Variants in XRRA1 observed in about 807,000 individuals in gnomAD.
XRRA1 encodes X-ray radiation resistance associated 1.
XRRA1 carries 69 observed loss-of-function variants against 80.2 expected under a neutral mutation model. The ratio of observed to expected loss-of-function variants is 0.86; its 90% CI spans 0.71 to 1.05. The LOEUF is 1.05. Among genes scored for constraint, XRRA1 ranks in the 50% least tolerant of loss-of-function variants. The probability of loss-of-function intolerance (pLI) is 0.00; values close to 1 mark genes in which losing one functional copy is unlikely to be tolerated. For synonymous variants in XRRA1, 348 were observed against 389.9 expected (o/e 0.89, Z 1.27); for missense variants, 967 against 976.4 (o/e 0.99, Z 0.13).
intron 11 of XRRA1, among the ~76,000 whole-genome samples, chr11:74,862,577 G>C (rs2042534705): frequency 1.3e-5 from 2 of 152,234 alleles, no homozygotes; most frequent in South Asian, 4.1e-4. Context: ...CTGGATAGTG[G>C]TGTATCTGGC....
intron 3 of XRRA1, among the ~76,000 whole-genome samples, chr11:74,940,507 A>C (rs182067120): frequency 2.1e-4 from 32 of 152,370 alleles, no homozygotes; most frequent in Admixed American, 6.5e-4. Context: ...GCATAAATAA[A>C]GAAATGGGTT....
chr11:74,891,916 A>G (rs2050824010), intron 10 of XRRA1, among the ~76,000 whole-genome samples: 1 of 152,204 alleles, frequency 6.6e-6, no homozygotes, highest in Non-Finnish European at 1.5e-5. Context: ...GATACAAACA[A>G]ATGGAAGAAC....
At chr11:74,913,195 C>T (rs889236153) in intron 8 of XRRA1, among the ~76,000 whole-genome samples, 2 of 152,142 alleles carry the variant, frequency 1.3e-5, no homozygotes, top group Non-Finnish European at 2.9e-5. Context: ...AGGAAGTGTC[C>T]AATTGAAACC....
chr11:74,859,097 A>C, intron 12 of XRRA1, 61 bp downstream of exon 12: 1 of 1,513,298 alleles, frequency 6.6e-7, no homozygotes, highest in Non-Finnish European at 8.8e-7. Flanking sequence ...AGGCCAGAGC[A>C]ACTTGCATCC....
intron 4 of XRRA1, among the ~76,000 whole-genome samples, chr11:74,934,752 T>G (rs1944515948): frequency 6.6e-6 from 1 of 152,170 alleles, no homozygotes; most frequent in African/African-American, 2.4e-5. Flanking sequence ...AAGTCCACGC[T>G]GGCTCTATAA....
intron 10 of XRRA1, among the ~76,000 whole-genome samples, chr11:74,883,901 A>G (rs965418120): frequency 1.3e-5 from 2 of 152,220 alleles, no homozygotes; most frequent in Non-Finnish European, 2.9e-5. Context: ...GCAGTACAAG[A>G]AATTATTTTT....
intron 10 of XRRA1, among the ~76,000 whole-genome samples, chr11:74,888,145 C>T (rs1002590334): frequency 2.6e-5 from 4 of 152,194 alleles, no homozygotes; most frequent in East Asian, 1.9e-4. Flanking sequence ...CCCTGACCCC[C>T]GAGTAGCCTA....
rs1158352264 is a variant in XRRA1 at position 74,841,879 on chromosome 11, G to C, written c.*1321C>G. The C allele has an allele frequency of 6.6e-6, 1 of 152,246 alleles. No individual in the cohort carries two copies. The highest frequency in any genetic ancestry group is 1.5e-5 in the Non-Finnish European group (1 of 68,042). The allele number at this position is 152,246 out of a possible 1,614,324, so 9.4% of individuals were successfully genotyped here. A position where few individuals can be genotyped will look rare whatever the true frequency, so the allele number is the denominator to read the frequency against. ...CCCTCCAAAGCTGTGCCACCAATGA[G>C]AGCATTGGGTTCAAGTTTGCATCAA... On this transcript the variant is annotated 3_prime_UTR_variant, in exon 19 of 19. Coordinates refer to ENST00000684022, the MANE Select transcript of XRRA1 (RefSeq NM_001378157.1).
chr11:74,873,680 G>C (rs184980209), intron 10 of XRRA1, among the ~76,000 whole-genome samples: 3 of 152,188 alleles, frequency 2.0e-5, no homozygotes, highest in Non-Finnish European at 4.4e-5. Flanking sequence ...TCTCAGGAAG[G>C]CAGTGAAGCT....
chr11:74,904,675 GAA>G (rs2054207404), intron 10 of XRRA1, among the ~76,000 whole-genome samples: 1 of 151,844 alleles, frequency 6.6e-6, no homozygotes, highest in Admixed American at 6.6e-5. Context: ...ATTCTTCTAT[GAA>G]AAAAGACTCA....
intron 10 of XRRA1, among the ~76,000 whole-genome samples, chr11:74,872,583 C>T (rs965666970): frequency 4.6e-5 from 7 of 152,056 alleles, no homozygotes; most frequent in African/African-American, 1.7e-4. Context: ...AGAAGGAGTG[C>T]CCAGGCAGCA....
chr11:74,881,361 G>C (rs1179546776), intron 10 of XRRA1, among the ~76,000 whole-genome samples: 2 of 151,284 alleles, frequency 1.3e-5, no homozygotes, highest in Non-Finnish European at 2.9e-5. Context: ...GTGCGTCTCT[G>C]CACATGAGAT....
At chr11:74,868,770 A>G (rs531203428) in intron 10 of XRRA1, among the ~76,000 whole-genome samples, 5 of 152,312 alleles carry the variant, frequency 3.3e-5, no homozygotes, top group South Asian at 2.1e-4. Flanking sequence ...AGGATATTAT[A>G]TAATGGTAAA....
Position 74,893,564 on chromosome 11 carries a change from A to T in XRRA1, c.1003+12675T>A, listed in dbSNP as rs145415444. Reference sequence around the variant, plus strand: ...AACTTGAAGTATAATAAAAAATAAAAATAAATAAAAAAATAAAGACTTCAA... The same window carrying T: ...AACTTGAAGTATAATAAAAAATAAATATAAATAAAAAAATAAAGACTTCAA... On this transcript the variant is annotated intron_variant, in intron 10 of 18. Transcript: ENST00000684022. Among the ~76,000 whole-genome samples, 1,378 of 152,186 alleles carry T rather than the reference A, an allele frequency of 9.1e-3. 27 individuals are homozygous for T. The highest frequency in any genetic ancestry group is 0.031 in the African/African-American group (1,301 of 41,550).
intron 10 of XRRA1, among the ~76,000 whole-genome samples, chr11:74,888,983 G>A (rs2049897496): frequency 6.6e-6 from 1 of 152,190 alleles, no homozygotes; most frequent in African/African-American, 2.4e-5. Flanking sequence ...ACACTCTGCA[G>A]GATATTATCC....
At chr11:74,915,263 G>T (rs951393072) in intron 8 of XRRA1, among the ~76,000 whole-genome samples, 13 of 152,138 alleles carry the variant, frequency 8.5e-5, no homozygotes, top group Admixed American at 3.3e-4. Flanking sequence ...AAAAATATGG[G>T]AAAGTTGCTT....
At chr11:74,915,296 G>A (rs1050001329) in intron 8 of XRRA1, among the ~76,000 whole-genome samples, 7 of 152,288 alleles carry the variant, frequency 4.6e-5, no homozygotes, top group Admixed American at 1.3e-4. Flanking sequence ...AAAATTATGT[G>A]ACTTAACCTC....
chr11:74,890,197 C>CT (rs2050265199), intron 10 of XRRA1, among the ~76,000 whole-genome samples: 1 of 152,214 alleles, frequency 6.6e-6, no homozygotes, highest in South Asian at 2.1e-4. Flanking sequence ...TTATAACAAA[C>CT]TGTCTCTCAG....
chr11:74,848,502 T>C, intron 14 of XRRA1, 40 bp from the exon 15 acceptor site: 1 of 1,531,144 alleles, frequency 6.5e-7, no homozygotes, highest in Non-Finnish European at 8.8e-7. Flanking sequence ...GCTTCCTAAT[T>C]AGGATTCTCT....
Sources: allele counts gnomAD v4.1 joint callset (sites outside exome capture counted in the v4.1 genomes callset), GRCh38; gene constraint gnomAD v4.1.1; transcripts MANE v1.5; gene names NCBI Gene and HGNC (gene_info 2026-07-23, HGNC 2026-07-21).